Variants in RBM20 observed in about 807,000 individuals in gnomAD.
RBM20 encodes the protein RNA binding motif protein 20, also known as RNA-binding protein 20.
In RBM20, 51 loss-of-function variants were observed where a neutral mutation model predicts 110.1. The observed-to-expected ratio is 0.46, with a 90% confidence interval of 0.37 to 0.59. The LOEUF is 0.59. Among genes scored for constraint, RBM20 ranks in the 20% least tolerant of loss-of-function variants. The pLI is 0.00. For missense variants in RBM20, 1,512 were observed against 1,574.9 expected (o/e 0.96, Z 0.68); for synonymous variants, 589 against 618.2 (o/e 0.95, Z 0.70).
At chr10:110,822,445 A>T (rs761373802) in intron 11 of RBM20, 1 of 457,126 alleles carries the variant, frequency 2.2e-6, no homozygotes, top group Non-Finnish European at 4.4e-6. Flanking sequence ...CAGTGATACA[A>T]GACTTGTTTC....
At chr10:110,806,120 T>G (rs1844691166) in intron 7 of RBM20, among the ~76,000 whole-genome samples, 1 of 151,808 alleles carries the variant, frequency 6.6e-6, no homozygotes, top group African/African-American at 2.4e-5. Flanking sequence ...ATACAAAAAT[T>G]AGCCAGGTGT....
At position 110,665,808 on chromosome 10, in the gene RBM20, G is replaced by T. The variant is rs183134934; in HGVS notation, c.191+21163G>T. Among the ~76,000 whole-genome samples, 240 of 152,184 alleles carry T rather than the reference G, an allele frequency of 1.6e-3. 1 individual carries two copies. The highest frequency in any genetic ancestry group is 5.4e-3 in the African/African-American group (223 of 41,490). ...TTACTTATTTATAGCTGTGGTAATG[G>T]TATTTTGATTATGTTAAAATACAGA... On this transcript the variant is annotated intron_variant, in intron 1 of 13. Coordinates refer to ENST00000369519, the MANE Select transcript of RBM20 (RefSeq NM_001134363.3).
intron 5 of RBM20, 111 bp downstream of exon 5, chr10:110,785,000 C>T (rs1844403058): frequency 5.7e-6 from 4 of 698,800 alleles, no homozygotes; most frequent in Middle Eastern, 2.8e-4. Flanking sequence ...AATCATATCT[C>T]ACTGCAGCCT....
At chr10:110,832,848 G>A (rs1409753112) in intron 13 of RBM20, among the ~76,000 whole-genome samples, 1 of 152,218 alleles carries the variant, frequency 6.6e-6, no homozygotes, top group Admixed American at 6.5e-5. Context: ...GGCAGCCACA[G>A]CACCTGTGGC....
intron 1 of RBM20, among the ~76,000 whole-genome samples, chr10:110,769,689 A>G (rs1308905288): frequency 6.6e-6 from 1 of 152,118 alleles, no homozygotes; most frequent in Non-Finnish European, 1.5e-5. Context: ...TCATTAAAAT[A>G]CAGGGGTTAC....
At chr10:110,776,666 C>T (rs1794477284) in intron 1 of RBM20, among the ~76,000 whole-genome samples, 1 of 152,186 alleles carries the variant, frequency 6.6e-6, no homozygotes, top group South Asian at 2.1e-4. Context: ...ATTGGGCATA[C>T]CAAATTAAAT....
At chr10:110,653,767 G>A (rs1253932444) in intron 1 of RBM20, among the ~76,000 whole-genome samples, 1 of 152,116 alleles carries the variant, frequency 6.6e-6, no homozygotes, top group Admixed American at 6.5e-5. Flanking sequence ...TGTTGCCCAG[G>A]TTGGTCTCGA....
rs557858455 is a variant in RBM20 at position 110,743,861 on chromosome 10, C to T, written c.192-36940C>T. On this transcript the variant is annotated intron_variant, in intron 1 of 13. Coordinates refer to ENST00000369519, the MANE Select transcript of RBM20 (RefSeq NM_001134363.3). The stretch of plus-strand genomic sequence containing the variant: ...GAACTGCTGACCTCAGGTGATCCGA[C>T]TACCTCAGCTTCCCAGAGTGCTGGG... Among the ~76,000 whole-genome samples, 9 of 152,332 alleles carry T rather than the reference C, an allele frequency of 5.9e-5. No homozygotes were observed. The East Asian group carries it at 1.7e-3, about 29-fold the overall frequency.
At chr10:110,690,755 G>A (rs531427753) in intron 1 of RBM20, among the ~76,000 whole-genome samples, 2 of 152,112 alleles carry the variant, frequency 1.3e-5, no homozygotes, top group African/African-American at 4.8e-5. Context: ...AATATACTTT[G>A]TAAGTACAAT....
chr10:110,686,391 C>A (rs1213086164), intron 1 of RBM20, among the ~76,000 whole-genome samples: 1 of 151,988 alleles, frequency 6.6e-6, no homozygotes, highest in African/African-American at 2.4e-5. Context: ...CCGATCCCAC[C>A]CCCACACAAT....
intron 1 of RBM20, among the ~76,000 whole-genome samples, chr10:110,654,046 C>T (rs1029450117): frequency 1.3e-5 from 2 of 152,136 alleles, no homozygotes; most frequent in Admixed American, 6.5e-5. Flanking sequence ...TGGCGGCCAC[C>T]GGATTGCTCC....
intron 1 of RBM20, among the ~76,000 whole-genome samples, chr10:110,752,244 G>A (rs1477520259): frequency 6.6e-6 from 1 of 152,080 alleles, no homozygotes; most frequent in Non-Finnish European, 1.5e-5. Context: ...CCCTTTTACT[G>A]TCTCTATAGT....
chr10:110,740,816 A>G (rs1411471204), intron 1 of RBM20, among the ~76,000 whole-genome samples: 1 of 152,172 alleles, frequency 6.6e-6, no homozygotes, highest in African/African-American at 2.4e-5. Flanking sequence ...CAGCAGATGC[A>G]TGGACGTCCA....
rs568495197 is a variant in RBM20 at position 110,811,523 on chromosome 10, C to G, written c.1881-755C>G. ...TAAAGACGTGTAAAGCCACATCTTG[C>G]CACCTGCAATTCTGCGGCAGAGTGG... On this transcript the variant is annotated intron_variant, in intron 8 of 13. Coordinates refer to ENST00000369519, the MANE Select transcript of RBM20 (RefSeq NM_001134363.3). Among the ~76,000 whole-genome samples the G allele has an allele frequency of 5.7e-4, 86 of 152,210 alleles. 1 individual carries two copies. Among genetic ancestry groups the G allele is most frequent in the African/African-American group, 2.0e-3 (83 of 41,512 alleles).
In RBM20 at chr10:110,797,528, T is replaced by C. The variant is rs2135073651; in HGVS notation, c.1548T>C (p.Ala516=). The change falls in exon 6 of 14, where the codon GCT becomes GCC. Residue 516 remains alanine, a synonymous_variant. Transcript: ENST00000369519. The part of the protein sequence containing the change: ...VGTTFAQRKG[A]GRVVHICNLP... The stretch of plus-strand genomic sequence containing the variant: ...ATTAGTTTGCACAGCGGAAAGGGGC[T>C]GGCCGTGTGGTGCACATCTGCAATC... 1 of 1,551,528 alleles carries C rather than the reference T, an allele frequency of 6.4e-7. No homozygotes were observed. The highest frequency in any genetic ancestry group is 8.7e-7 in the Non-Finnish European group (1 of 1,146,906).
chr10:110,783,260 C>T (rs1844377414), intron 2 of RBM20, 106 bp from the exon 3 acceptor site: 1 of 810,496 alleles, frequency 1.2e-6, no homozygotes, highest in Non-Finnish European at 2.1e-6. Flanking sequence ...GTGGTCCAGC[C>T]TCTGGGCGCT....
At chr10:110,668,490 A>G (rs975366734) in intron 1 of RBM20, among the ~76,000 whole-genome samples, 16 of 152,124 alleles carry the variant, frequency 1.1e-4, no homozygotes, top group African/African-American at 3.9e-4. Context: ...AGAAGCAGCG[A>G]CTTGGGTTGA....
intron 13 of RBM20, among the ~76,000 whole-genome samples, chr10:110,834,317 T>C (rs1377042994): frequency 7.1e-6 from 1 of 141,804 alleles, no homozygotes; most frequent in African/African-American, 3.1e-5. Context: ...TTTGCTCTTC[T>C]CCTAGTCAGG....
chr10:110,732,293 C>A (rs1037938503), intron 1 of RBM20, among the ~76,000 whole-genome samples: 1 of 152,138 alleles, frequency 6.6e-6, no homozygotes, highest in Non-Finnish European at 1.5e-5. Context: ...CTTTCTCTGA[C>A]GCGCTGTCAG....
Sources: allele counts gnomAD v4.1 joint callset (sites outside exome capture counted in the v4.1 genomes callset), GRCh38; gene constraint gnomAD v4.1.1; transcripts MANE v1.5; gene names NCBI Gene and HGNC (gene_info 2026-07-23, HGNC 2026-07-21).